The following TSGA10 variants were observed in gnomAD, a reference collection of about 807,000 sequenced individuals.
The protein encoded by TSGA10 is testis specific 10, also known as testis-specific gene 10 protein.
Under a neutral mutation model 96.6 loss-of-function variants are expected in TSGA10, and 43 were observed. That is an observed-to-expected ratio of 0.44 (90% CI 0.35 to 0.57). The LOEUF is 0.57. TSGA10 is among the 20% of genes least tolerant of loss of function. The pLI, the probability that TSGA10 is intolerant of heterozygous loss-of-function variation, is 0.01. For missense variants in TSGA10, 703 were observed against 834.4 expected (o/e 0.84, Z 1.94); for synonymous variants, 229 against 269.9 (o/e 0.85, Z 1.48).
chr2:99,078,616 T>G, intron 12 of TSGA10, 43 bp downstream of exon 12: 1 of 1,547,766 alleles, frequency 6.5e-7, no homozygotes, highest in Non-Finnish European at 8.8e-7. Context: ...CATTTAACAT[T>G]TCATTTAAAC....
intron 17 of TSGA10, among the ~76,000 whole-genome samples, chr2:99,030,224 G>C (rs2081010233): frequency 6.6e-6 from 1 of 152,146 alleles, no homozygotes; most frequent in African/African-American, 2.4e-5. Context: ...GCACATGCCT[G>C]TAATCCCAGC....
At chr2:99,143,057 C>T (rs1315686093) in intron 1 of TSGA10, among the ~76,000 whole-genome samples, 1 of 151,526 alleles carries the variant, frequency 6.6e-6, no homozygotes, top group African/African-American at 2.4e-5. Context: ...TCTCCCCTAA[C>T]CTGAGAAAGT....
chr2:99,036,570 T>A (rs1422396662), intron 16 of TSGA10, among the ~76,000 whole-genome samples: 1 of 152,024 alleles, frequency 6.6e-6, no homozygotes, highest in Non-Finnish European at 1.5e-5. Flanking sequence ...ACATGCTCGA[T>A]TAAAACCAGA....
chr2:99,154,631 G>A (rs1370206218), intron 1 of TSGA10, 62 bp downstream of exon 1: 1 of 185,402 alleles, frequency 5.4e-6, no homozygotes, highest in African/African-American at 2.4e-5. Flanking sequence ...GGGCTTCTGG[G>A]GGCTCCCCCT....
chr2:99,104,228 T>A (rs1157037063), intron 9 of TSGA10, 110 bp from the exon 10 acceptor site: 1 of 1,282,644 alleles, frequency 7.8e-7, no homozygotes, highest in Non-Finnish European at 1.1e-6. Context: ...ACTGACAGGA[T>A]GAGATTATCA....
chr2:99,029,735 G>A (rs2080967302), intron 17 of TSGA10, among the ~76,000 whole-genome samples: 1 of 152,084 alleles, frequency 6.6e-6, no homozygotes, highest in Non-Finnish European at 1.5e-5. Context: ...GGGAATAGAG[G>A]GGAAATCCCT....
In TSGA10 at chr2:99,088,398, GA is replaced by G. The variant is rs1231741093; in HGVS notation, c.612-7002del. ...TATTATCATAGGTATGTATATTTAG[GA>G]AAAAACACATAGTACATATAGGGTT... On this transcript the variant is annotated intron_variant, in intron 10 of 20. Coordinates refer to ENST00000393483, the MANE Select transcript of TSGA10 (RefSeq NM_025244.4). 2.6e-5 allele frequency among the ~76,000 whole-genome samples: 4 copies of G among 152,128 alleles called. No individual in the cohort carries two copies. The East Asian group carries it at 7.7e-4, about 29-fold the overall frequency.
At chr2:99,152,783 G>A (rs1304246866) in intron 1 of TSGA10, among the ~76,000 whole-genome samples, 1 of 152,208 alleles carries the variant, frequency 6.6e-6, no homozygotes, top group East Asian at 1.9e-4. Context: ...AGCGGAAAGT[G>A]AGGAAGAAGA....
At chr2:99,016,642 A>C (rs1053614313) in intron 20 of TSGA10, among the ~76,000 whole-genome samples, 2 of 152,212 alleles carry the variant, frequency 1.3e-5, no homozygotes, top group Non-Finnish European at 2.9e-5. Flanking sequence ...ATATAAATAG[A>C]TGGGACTTAA....
chr2:99,098,893 T>C (rs2090393140), intron 10 of TSGA10, among the ~76,000 whole-genome samples: 1 of 152,226 alleles, frequency 6.6e-6, no homozygotes, highest in South Asian at 2.1e-4. Context: ...AATGACTTTA[T>C]TGGTAAGTTC....
chr2:99,057,624 G>A (rs1222385636), intron 16 of TSGA10, among the ~76,000 whole-genome samples: 2 of 152,242 alleles, frequency 1.3e-5, no homozygotes, highest in East Asian at 3.9e-4. Context: ...ACTACACCTT[G>A]TGTTCATGGA....
At chr2:99,018,085 A>T in intron 20 of TSGA10, 115 bp downstream of exon 20, 1 of 931,460 alleles carries the variant, frequency 1.1e-6, no homozygotes, top group Non-Finnish European at 1.5e-6. Flanking sequence ...CTTGGTAATC[A>T]TGTTTAAATA....
At chr2:99,030,777 T>C (rs1315409280) in intron 17 of TSGA10, among the ~76,000 whole-genome samples, 1 of 152,228 alleles carries the variant, frequency 6.6e-6, no homozygotes, top group African/African-American at 2.4e-5. Flanking sequence ...TACTTCTTTT[T>C]ATTTTGTAGG....
chr2:99,052,470 A>T (rs2083489527), intron 16 of TSGA10, among the ~76,000 whole-genome samples: 2 of 152,116 alleles, frequency 1.3e-5, no homozygotes, highest in African/African-American at 4.8e-5. Flanking sequence ...TAAATCAGCA[A>T]TAAAAATAAA....
chr2:99,124,462 T>C (rs180775827), intron 2 of TSGA10, among the ~76,000 whole-genome samples: 10 of 152,302 alleles, frequency 6.6e-5, no homozygotes, highest in Admixed American at 3.3e-4. Flanking sequence ...AAAAATTGAT[T>C]AGGAAGTACA....
chr2:98,998,959 T>C (rs760424330), intron 20 of TSGA10, among the ~76,000 whole-genome samples: 4 of 152,224 alleles, frequency 2.6e-5, no homozygotes, highest in Non-Finnish European at 5.9e-5. Flanking sequence ...TGCAGTGACA[T>C]GATCTCAGCT....
intron 17 of TSGA10, among the ~76,000 whole-genome samples, chr2:99,025,724 T>C (rs182748132): frequency 6.6e-6 from 1 of 152,216 alleles, no homozygotes; most frequent in Non-Finnish European, 1.5e-5. Flanking sequence ...AGATAGGCAT[T>C]TATAGCTATA....
intron 10 of TSGA10, among the ~76,000 whole-genome samples, chr2:99,095,789 C>T (rs1462641634): frequency 1.3e-5 from 2 of 152,198 alleles, no homozygotes; most frequent in East Asian, 1.9e-4. Context: ...TACAGGCACA[C>T]GCCACCACGC....
chr2:99,089,732 T>C (rs2089048856), intron 10 of TSGA10, among the ~76,000 whole-genome samples: 1 of 151,960 alleles, frequency 6.6e-6, no homozygotes, highest in Non-Finnish European at 1.5e-5. Flanking sequence ...CACACTCCCA[T>C]CCCCCAGAGC....
Sources: allele counts gnomAD v4.1 joint callset (sites outside exome capture counted in the v4.1 genomes callset), GRCh38; gene constraint gnomAD v4.1.1; transcripts MANE v1.5; gene names NCBI Gene and HGNC (gene_info 2026-07-23, HGNC 2026-07-21).